ATAD1: variants seen among roughly 807,000 people sequenced by gnomAD.
ATAD1 encodes the protein ATPase family AAA domain containing 1.
A neutral mutation model predicts 42.7 loss-of-function variants in ATAD1; 18 were observed. The ratio of observed to expected loss-of-function variants is 0.42; its 90% CI spans 0.29 to 0.63. ATAD1 has a LOEUF of 0.63. Among genes scored for constraint, ATAD1 ranks in the 20% least tolerant of loss-of-function variants. The pLI, the probability that ATAD1 is intolerant of heterozygous loss-of-function variation, is 0.19. For missense variants in ATAD1, 294 were observed against 440.4 expected, an observed-to-expected ratio of 0.67 and a Z score of 2.98; for synonymous variants, 132 against 143.1, an observed-to-expected ratio of 0.92 and a Z score of 0.55.
At chr10:87,783,482 CAAGT>C (rs1194840880) in intron 5 of ATAD1, among the ~76,000 whole-genome samples, 3 of 151,610 alleles carry the variant, frequency 2.0e-5, no homozygotes, top group African/African-American at 7.3e-5. Context: ...ATAAAGCAAA[CAAGT>C]AACCAAAACA....
chr10:87,754,100 A>G lies in ATAD1; in HGVS notation c.*587T>C, dbSNP rs1418499091. 1 of 152,596 alleles carries G rather than the reference A, an allele frequency of 6.6e-6. No individual in the cohort carries two copies. Among genetic ancestry groups the G allele is most frequent in the African/African-American group, 2.4e-5 (1 of 41,446 alleles). 9.5% of individuals were successfully genotyped at this position (152,596 alleles called of 1,614,324 possible). On this transcript the variant is annotated 3_prime_UTR_variant, in exon 10 of 10. Coordinates refer to ENST00000680024, the MANE Select transcript of ATAD1 (RefSeq NM_001321967.2). ...AATAACTGCAGAAATAAAAACACTCAACTTAAAAAAGGTTGAAACAAATGA... is the reference window on the plus strand; with the variant it reads ...AATAACTGCAGAAATAAAAACACTCGACTTAAAAAAGGTTGAAACAAATGA...
At chr10:87,827,305 C>T (rs916298021) in intron 1 of ATAD1, among the ~76,000 whole-genome samples, 4 of 152,152 alleles carry the variant, frequency 2.6e-5, no homozygotes, top group South Asian at 2.1e-4. Flanking sequence ...GTACCAGCTC[C>T]GTGGCCTGTC....
chr10:87,761,390 G>C (rs1358179345), intron 8 of ATAD1, among the ~76,000 whole-genome samples: 2 of 152,172 alleles, frequency 1.3e-5, no homozygotes, highest in Non-Finnish European at 2.9e-5. Context: ...TGCTGGGTGG[G>C]ATGGCTCATG....
chr10:87,793,261 C>T (rs1856215502), intron 2 of ATAD1, among the ~76,000 whole-genome samples: 2 of 152,158 alleles, frequency 1.3e-5, no homozygotes, highest in African/African-American at 2.4e-5. Context: ...TTTTAAATTG[C>T]TCTGTTATGC....
intron 1 of ATAD1, among the ~76,000 whole-genome samples, chr10:87,837,960 G>A (rs1003427708): frequency 1.3e-5 from 2 of 152,200 alleles, no homozygotes; most frequent in Non-Finnish European, 2.9e-5. Flanking sequence ...CACTCTCTGA[G>A]TATTAGGAGA....
intron 2 of ATAD1, among the ~76,000 whole-genome samples, chr10:87,797,654 T>C (rs997287535): frequency 4.6e-5 from 7 of 152,274 alleles, no homozygotes; most frequent in African/African-American, 1.7e-4. Context: ...AGAGATTATC[T>C]TGTACCACGA....
intron 2 of ATAD1, among the ~76,000 whole-genome samples, chr10:87,807,875 G>A (rs1307711012): frequency 1.3e-5 from 2 of 152,000 alleles, no homozygotes; most frequent in Non-Finnish European, 2.9e-5. Flanking sequence ...ATAGACTTTT[G>A]TTCTTCCACA....
At chr10:87,772,037 G>A (rs1022385881) in intron 6 of ATAD1, among the ~76,000 whole-genome samples, 1 of 152,022 alleles carries the variant, frequency 6.6e-6, no homozygotes, top group Non-Finnish European at 1.5e-5. Flanking sequence ...GAGCCTCAGA[G>A]CCCAATTACT....
chr10:87,825,458 C>T lies in ATAD1; in HGVS notation c.-13-10846G>A, dbSNP rs148236726. Among the ~76,000 whole-genome samples the T allele has an allele frequency of 4.9e-3, 739 of 151,992 alleles. 7 individuals are homozygous for T. The highest frequency in any genetic ancestry group is 0.016 in the African/African-American group (652 of 41,448). ...CCGAGTAGCTGAGACTACAGGCGCCCGCCACCACACCCGGCTAATTTTTTG... is the reference window on the plus strand; with the variant it reads ...CCGAGTAGCTGAGACTACAGGCGCCTGCCACCACACCCGGCTAATTTTTTG... On this transcript the variant is annotated intron_variant, in intron 1 of 4. Coordinates refer to the ATAD1 transcript ENST00000495903.
chr10:87,799,364 G>C (rs913744821), intron 2 of ATAD1, among the ~76,000 whole-genome samples: 2 of 152,198 alleles, frequency 1.3e-5, no homozygotes, highest in African/African-American at 4.8e-5. Flanking sequence ...GCTACATCTT[G>C]AAGTTAGTAA....
chr10:87,839,925 T>G (rs909574311), intron 1 of ATAD1, among the ~76,000 whole-genome samples: 6 of 152,230 alleles, frequency 3.9e-5, no homozygotes, highest in Non-Finnish European at 8.8e-5. Context: ...CCTTTCCATA[T>G]TGTCCTTCAC....
upstream of ATAD1, chr10:87,818,941 C>T (rs374943186): frequency 3.9e-5 from 6 of 152,362 alleles, no homozygotes; most frequent in African/African-American, 1.4e-4. Flanking sequence ...GGGAGCAAAC[C>T]TGAAAGCCAG....
At chr10:87,840,769 G>T (rs1858017282) in intron 1 of ATAD1, among the ~76,000 whole-genome samples, 1 of 152,118 alleles carries the variant, frequency 6.6e-6, no homozygotes, top group Non-Finnish European at 1.5e-5. Flanking sequence ...TTTCCAGATA[G>T]TGTCCCATAC....
At chr10:87,763,078 C>CTCAAA (rs879404224) in intron 8 of ATAD1, among the ~76,000 whole-genome samples, 19 of 47,904 alleles carry the variant, frequency 4.0e-4, no homozygotes, top group South Asian at 2.8e-3. Flanking sequence ...GAGACTCTGT[C>CTCAAA]ACAAAAAAAA....
At chr10:87,825,435 G>C (rs999846326) in intron 1 of ATAD1, among the ~76,000 whole-genome samples, 2 of 148,956 alleles carry the variant, frequency 1.3e-5, no homozygotes, top group Non-Finnish European at 3.0e-5. Context: ...TCAGCCTCCC[G>C]AGTAGCTGAG....
chr10:87,802,116 C>G (rs1179526318), intron 2 of ATAD1, among the ~76,000 whole-genome samples: 2 of 152,114 alleles, frequency 1.3e-5, no homozygotes, highest in African/African-American at 4.8e-5. Context: ...TAACTTATGG[C>G]AATACAGTTA....
At chr10:87,758,374 G>C (rs1278349428) in intron 8 of ATAD1, among the ~76,000 whole-genome samples, 1 of 152,030 alleles carries the variant, frequency 6.6e-6, no homozygotes, top group Non-Finnish European at 1.5e-5. Context: ...TACAAGAGCA[G>C]TATTAACAAA....
chr10:87,830,774 A>C (rs1214650282), intron 1 of ATAD1, among the ~76,000 whole-genome samples: 2 of 152,164 alleles, frequency 1.3e-5, no homozygotes, highest in African/African-American at 2.4e-5. Flanking sequence ...GGCTTGTAAC[A>C]CTTCCCTCAT....
At position 87,792,734 on chromosome 10, in the gene ATAD1, T is replaced by C; in HGVS notation, c.184A>G (p.Ile62Val). The change falls in exon 3 of 10, where the codon ATT becomes GTT. Residue 62 changes from isoleucine to valine, a missense_variant. Transcript: ENST00000680024. ...GAGAGCTTCACATTTTTCACTCCAA[T>C]TTGCTTCATTAGTTTTTCTGCCTAG... Reference protein sequence around the residue: ...QKQAEKLMKQIGVKNVKLSEY... With the variant: ...QKQAEKLMKQVGVKNVKLSEY... 6.2e-7 allele frequency: 1 copy of C among 1,611,766 alleles called. No homozygotes were observed. Among genetic ancestry groups the C allele is most frequent in the Non-Finnish European group, 8.5e-7 (1 of 1,178,534 alleles).
Sources: gnomAD v4.1 joint callset for allele counts (sites outside exome capture counted in the v4.1 genomes callset) on GRCh38, gnomAD v4.1.1 for gene constraint, MANE v1.5 for transcripts, NCBI Gene and HGNC (gene_info 2026-07-23, HGNC 2026-07-21) for gene names.